The following CNTN3 variants were observed in gnomAD, a reference collection of about 807,000 sequenced individuals.
The protein encoded by CNTN3 is contactin-3.
CNTN3 carries 60 observed loss-of-function variants against 119.1 expected under a neutral mutation model. The ratio of observed to expected loss-of-function variants is 0.50; its 90% confidence interval spans 0.41 to 0.62. CNTN3 has a LOEUF of 0.62. Ranked by LOEUF, CNTN3 falls within the 20% of genes least tolerant of loss-of-function variation. CNTN3 has a pLI of 0.00. For missense variants in CNTN3, 1,101 were observed against 1,242.4 expected (o/e 0.89, Z 1.71); for synonymous variants, 450 against 438.7 (o/e 1.03, Z -0.32).
intron 1 of CNTN3, among the ~76,000 whole-genome samples, chr3:74,572,283 G>T (rs1232136548): frequency 6.6e-6 from 1 of 152,034 alleles, no homozygotes; most frequent in African/African-American, 2.4e-5. Flanking sequence ...ACCAGCAATT[G>T]CACTTCCAAA....
intron 3 of CNTN3, among the ~76,000 whole-genome samples, chr3:74,498,265 G>GA (rs757579087): frequency 6.6e-6 from 1 of 151,646 alleles, no homozygotes; most frequent in African/African-American, 2.4e-5. Flanking sequence ...AAAAATGCTG[G>GA]AAAAAAATAT....
At chr3:74,363,085 G>A (rs11128384) in intron 10 of CNTN3, among the ~76,000 whole-genome samples, 70,937 of 151,986 alleles carry the variant, frequency 0.47, 17,320 homozygotes, top group Middle Eastern at 0.53. Flanking sequence ...GATAAACTAT[G>A]GCTCATCAGC....
chr3:74,467,728 A>G (rs1575755643), intron 4 of CNTN3, among the ~76,000 whole-genome samples: 1 of 152,158 alleles, frequency 6.6e-6, no homozygotes, highest in African/African-American at 2.4e-5. Context: ...TACCTTCACC[A>G]GGCAACCCTT....
chr3:74,492,079 T>A (rs908478564), intron 3 of CNTN3, among the ~76,000 whole-genome samples: 9 of 152,182 alleles, frequency 5.9e-5, no homozygotes, highest in African/African-American at 1.9e-4. Context: ...CACTGTTGCA[T>A]AATTATCATG....
At chr3:74,489,349 A>C (rs1267301556) in intron 3 of CNTN3, among the ~76,000 whole-genome samples, 1 of 152,080 alleles carries the variant, frequency 6.6e-6, no homozygotes, top group Non-Finnish European at 1.5e-5. Flanking sequence ...GCTCACTTTT[A>C]ATTTAGCCTA....
chr3:74,512,777 A>C (rs565607798), intron 2 of CNTN3, among the ~76,000 whole-genome samples: 1 of 151,624 alleles, frequency 6.6e-6, no homozygotes, highest in East Asian at 2.0e-4. Flanking sequence ...TTCCTTAATG[A>C]AAAAATAGAT....
chr3:74,317,892 T>C (rs1212197944), intron 13 of CNTN3, among the ~76,000 whole-genome samples: 1 of 152,234 alleles, frequency 6.6e-6, no homozygotes, highest in African/African-American at 2.4e-5. Flanking sequence ...CTTGCCTTGC[T>C]AGATTGGGGA....
At position 74,549,321 on chromosome 3, in the gene CNTN3, C is replaced by T. The variant is rs935690984; in HGVS notation, c.-80-28129G>A. On this transcript the variant is annotated intron_variant, in intron 1 of 22. Coordinates refer to ENST00000263665, the MANE Select transcript of CNTN3 (RefSeq NM_020872.3). The stretch of plus-strand genomic sequence containing the variant: ...CGTCACGATTGTAAGTTTCCTGAGG[C>T]CTCCCCATAAGCAGAAGCCTGTACA... 3.3e-5 allele frequency among the ~76,000 whole-genome samples: 5 copies of T among 152,138 alleles called. No homozygotes were observed. In the East Asian group the frequency reaches 7.7e-4, roughly 23 times the overall value.
At chr3:74,348,128 T>C (rs1446440289) in intron 11 of CNTN3, among the ~76,000 whole-genome samples, 1 of 152,194 alleles carries the variant, frequency 6.6e-6, no homozygotes, top group East Asian at 1.9e-4. Context: ...GGAATTATAG[T>C]TAATTGCACT....
chr3:74,602,705 T>G (rs924995471), intron 1 of CNTN3, among the ~76,000 whole-genome samples: 3 of 152,034 alleles, frequency 2.0e-5, no homozygotes, highest in Admixed American at 2.0e-4. Flanking sequence ...TCAAGAGAGG[T>G]AGAATACACA....
At chr3:74,428,694 G>A (rs952874063) in intron 4 of CNTN3, among the ~76,000 whole-genome samples, 3 of 152,116 alleles carry the variant, frequency 2.0e-5, no homozygotes, top group Non-Finnish European at 2.9e-5. Context: ...TGTAGCCTAA[G>A]TGTACAGTGT....
intron 3 of CNTN3, among the ~76,000 whole-genome samples, chr3:74,494,036 G>T (rs924039370): frequency 1.6e-4 from 24 of 152,204 alleles, no homozygotes; most frequent in African/African-American, 5.8e-4. Flanking sequence ...ATCAATCAGG[G>T]ATTCTCTTAA....
chr3:74,443,470 C>T (rs78480703), intron 4 of CNTN3, among the ~76,000 whole-genome samples: 2,642 of 152,288 alleles, frequency 0.017, 77 homozygotes, highest in African/African-American at 0.058. Flanking sequence ...TGCCCCTCCC[C>T]TCCTTCAGTG....
chr3:74,317,590 C>T (rs1367180231), intron 13 of CNTN3, among the ~76,000 whole-genome samples: 1 of 151,978 alleles, frequency 6.6e-6, no homozygotes, highest in African/African-American at 2.4e-5. Flanking sequence ...TTCTCCTTCA[C>T]TTATGAAGCT....
chr3:74,519,131 G>A (rs572598164), intron 2 of CNTN3, among the ~76,000 whole-genome samples: 1 of 151,756 alleles, frequency 6.6e-6, no homozygotes, highest in African/African-American at 2.4e-5. Context: ...AAAATATAAA[G>A]TTCAGGGGTC....
chr3:74,344,055 G>A (rs2106731256), intron 11 of CNTN3, among the ~76,000 whole-genome samples: 1 of 152,220 alleles, frequency 6.6e-6, no homozygotes, highest in Non-Finnish European at 1.5e-5. Flanking sequence ...TCTTAAGTTA[G>A]GTTGTTTCTT....
At chr3:74,531,818 G>T (rs1479931669) in intron 1 of CNTN3, among the ~76,000 whole-genome samples, 1 of 151,884 alleles carries the variant, frequency 6.6e-6, no homozygotes, top group Non-Finnish European at 1.5e-5. Flanking sequence ...ATGTCCTGGG[G>T]CTGGGAGTGG....
At chr3:74,290,991 C>A (rs1191786742) in intron 19 of CNTN3, among the ~76,000 whole-genome samples, 1 of 151,866 alleles carries the variant, frequency 6.6e-6, no homozygotes, top group African/African-American at 2.4e-5. Context: ...TGTTGGTGTG[C>A]TGCACCCATT....
chr3:74,590,492 GAGC>G (rs1209754713), intron 1 of CNTN3, among the ~76,000 whole-genome samples: 1 of 110,142 alleles, frequency 9.1e-6, no homozygotes, highest in Non-Finnish European at 1.5e-5. Context: ...GCAGTGCTCA[GAGC>G]AACTCTGGGC....
Sources: allele counts gnomAD v4.1 joint callset (sites outside exome capture counted in the v4.1 genomes callset), GRCh38; gene constraint gnomAD v4.1.1; transcripts MANE v1.5; gene names NCBI Gene and HGNC (gene_info 2026-07-23, HGNC 2026-07-21).